ANKHD1: variants seen among roughly 807,000 people sequenced by gnomAD.
The protein encoded by ANKHD1 is ankyrin repeat and KH domain containing 1.
Under a neutral mutation model 230.5 loss-of-function variants are expected in ANKHD1, and 31 were observed. That is an observed-to-expected ratio of 0.13 (90% CI 0.10 to 0.18). ANKHD1 has a LOEUF of 0.18. ANKHD1 is among the 10% of genes least tolerant of loss of function. ANKHD1 has a pLI of 1.00. For synonymous variants in ANKHD1, 1,074 were observed against 1,117.6 expected (o/e 0.96, Z 0.78); for missense variants, 2,256 against 3,071.3 (o/e 0.73, Z 6.27).
chr5:140,414,015 A>G (rs1771151922), intron 1 of ANKHD1, among the ~76,000 whole-genome samples: 1 of 152,200 alleles, frequency 6.6e-6, no homozygotes, highest in South Asian at 2.1e-4. Flanking sequence ...TCCTGACCTC[A>G]TGTGATCCAC....
intron 1 of ANKHD1, among the ~76,000 whole-genome samples, chr5:140,424,390 C>T (rs986033998): frequency 1.3e-5 from 2 of 152,138 alleles, no homozygotes; most frequent in African/African-American, 4.8e-5. Context: ...TTCAAGTCAT[C>T]TTCCCGCCCC....
chr5:140,475,505 T>G (rs1750911160), intron 10 of ANKHD1, among the ~76,000 whole-genome samples: 1 of 152,084 alleles, frequency 6.6e-6, no homozygotes, highest in Admixed American at 6.6e-5. Context: ...GGGTTATGGT[T>G]AGAAATTAGC....
chr5:140,407,983 C>G (rs1049751618), intron 1 of ANKHD1, among the ~76,000 whole-genome samples: 5 of 152,216 alleles, frequency 3.3e-5, no homozygotes, highest in Admixed American at 2.0e-4. Context: ...TTGAGACCAG[C>G]CTGGCCAACA....
intron 1 of ANKHD1, among the ~76,000 whole-genome samples, chr5:140,433,232 A>G (rs1395537804): frequency 6.6e-6 from 1 of 151,754 alleles, no homozygotes; most frequent in African/African-American, 2.4e-5. Context: ...ACACCCAGCT[A>G]ATTTTGTATT....
chr5:140,468,986 A>G (rs557075888), intron 10 of ANKHD1, among the ~76,000 whole-genome samples: 2 of 152,094 alleles, frequency 1.3e-5, no homozygotes, highest in Non-Finnish European at 2.9e-5. Flanking sequence ...TTTGATAACT[A>G]TTGTCAAACT....
At chr5:140,434,159 T>C (rs1480014588) in intron 1 of ANKHD1, among the ~76,000 whole-genome samples, 3 of 152,220 alleles carry the variant, frequency 2.0e-5, no homozygotes, top group Non-Finnish European at 4.4e-5. Context: ...TGAAAATTGA[T>C]GACCAACTAG....
In ANKHD1 at chr5:140,506,667, A is replaced by G. The variant is rs1752548528; in HGVS notation, c.3409-168A>G. 6.6e-6 allele frequency among the ~76,000 whole-genome samples: 1 copy of G among 152,228 alleles called. No individual in the cohort carries two copies. The highest frequency in any genetic ancestry group is 1.5e-5 in the Non-Finnish European group (1 of 68,030). Reference sequence around the variant, plus strand: ...CAAAACTCTGAATTCCTGAAATTGAATCCATTTCTCTAGTGTTGATATTTC... The same window carrying G: ...CAAAACTCTGAATTCCTGAAATTGAGTCCATTTCTCTAGTGTTGATATTTC... On this transcript the variant is annotated intron_variant, in intron 18 of 33. Coordinates refer to ENST00000360839, the MANE Select transcript of ANKHD1 (RefSeq NM_017747.3). This position sits in a 1 kb window ranked among gnomAD's most constrained non-coding sequence, Gnocchi z 4.7.
At chr5:140,449,065 G>A in intron 6 of ANKHD1, 146 bp from the exon 7 acceptor site, 1 of 838,466 alleles carries the variant, frequency 1.2e-6, no homozygotes, top group Non-Finnish European at 1.8e-6. Flanking sequence ...AATGGGCTTT[G>A]TAAAACTGTT....
chr5:140,414,077 G>A (rs531205230), intron 1 of ANKHD1, among the ~76,000 whole-genome samples: 4 of 151,994 alleles, frequency 2.6e-5, no homozygotes, highest in Admixed American at 6.6e-5. Context: ...CACTGTGCCC[G>A]GTCTATCTGT....
intron 15 of ANKHD1, among the ~76,000 whole-genome samples, chr5:140,499,202 A>T (rs1231684753): frequency 2.0e-5 from 3 of 152,100 alleles, no homozygotes; most frequent in East Asian, 3.9e-4. Flanking sequence ...ATTCAAGATG[A>T]TGTACCTGTC....
Position 140,510,037 on chromosome 5 carries a change from T to C in ANKHD1, c.3960T>C (p.Val1320=), listed in dbSNP as rs1350452117. ...LLIHRGAHID[V]RNKKGNTPLW... ...TTTACAGGGGAGCCCACATTGATGT[T>C]CGTAACAAAAAGGGAAATACGCCAC... The change falls in exon 22 of 34, where the codon GTT becomes GTC. Residue 1320 remains valine, a synonymous_variant. Coordinates refer to ENST00000360839, the MANE Select transcript of ANKHD1 (RefSeq NM_017747.3). 1 of 1,613,650 alleles carries C rather than the reference T, an allele frequency of 6.2e-7. No homozygotes were observed. Among genetic ancestry groups the C allele is most frequent in the East Asian group, 2.2e-5 (1 of 44,870 alleles).
chr5:140,504,517 G>A (rs1752462862), intron 15 of ANKHD1, among the ~76,000 whole-genome samples: 1 of 152,194 alleles, frequency 6.6e-6, no homozygotes, highest in African/African-American at 2.4e-5. Context: ...ATCAGGTGCT[G>A]TGTTAAGTAT....
chr5:140,465,389 G>C (rs533991540), intron 10 of ANKHD1, among the ~76,000 whole-genome samples: 2 of 152,180 alleles, frequency 1.3e-5, no homozygotes, highest in South Asian at 4.1e-4. Flanking sequence ...TAGGTGGCAG[G>C]TTCATATGTG....
intron 10 of ANKHD1, among the ~76,000 whole-genome samples, chr5:140,471,185 C>T (rs1776466476): frequency 1.3e-5 from 2 of 152,104 alleles, no homozygotes; most frequent in South Asian, 4.1e-4. Flanking sequence ...TAGTGATGCT[C>T]AATCTGTATT....
At chr5:140,524,435 C>G (rs1001025416) in intron 25 of ANKHD1, among the ~76,000 whole-genome samples, 195 bp downstream of exon 25, 3 of 152,156 alleles carry the variant, frequency 2.0e-5, no homozygotes, top group African/African-American at 7.2e-5. Flanking sequence ...AGAGGGAAAA[C>G]AAGCGCATAA....
Position 140,527,838 on chromosome 5 carries a change from A to G in ANKHD1, c.5088-35A>G. 6.3e-7 allele frequency: 1 copy of G among 1,578,094 alleles called. No homozygotes were observed. Among genetic ancestry groups the G allele is most frequent in the Non-Finnish European group, 8.6e-7 (1 of 1,161,930 alleles). On this transcript the variant is annotated intron_variant, in intron 27 of 33. Transcript: ENST00000360839. The surrounding 1 kb of genome is among the most constrained non-coding windows in gnomAD (Gnocchi z 4.5). ...ATCTTTCTTAATAAAGAGACATTTA[A>G]TTTCATAAGCTCATGTGTATTCTTC...
At chr5:140,473,991 A>G (rs2127000984) in intron 10 of ANKHD1, among the ~76,000 whole-genome samples, 1 of 152,290 alleles carries the variant, frequency 6.6e-6, no homozygotes, top group East Asian at 1.9e-4. Flanking sequence ...TCCATATTTT[A>G]CACTTTGAGA....
rs1266441177 is a variant in ANKHD1 at position 140,529,609 on chromosome 5, G to C, written c.6663G>C (p.Gln2221His). The C allele has an allele frequency of 4.3e-6, 7 of 1,614,060 alleles. No individual in the cohort carries two copies. The highest frequency in any genetic ancestry group is 5.9e-6 in the Non-Finnish European group (7 of 1,180,042). ...TCAGCAGTCTTTTTGATAGTAGTCA[G>C]GTGCCAGCTAACCAGGGCTGGGGAG... ...NHFSSLFDSS[Q>H]VPANQGWGDG... Residue 2221 changes from glutamine (Q) to histidine (H), a missense_variant, in exon 29 of 34, where the codon CAG becomes CAC. Around this residue, in one of 13 missense-constraint regions of ANKHD1, gnomAD observed 778 missense variants for 966.5 expected, o/e 0.80. Coordinates refer to ENST00000360839, the MANE Select transcript of ANKHD1 (RefSeq NM_017747.3).
chr5:140,432,317 A>G (rs562136991), intron 1 of ANKHD1, among the ~76,000 whole-genome samples: 10 of 152,212 alleles, frequency 6.6e-5, no homozygotes, highest in Non-Finnish European at 1.5e-4. Context: ...TGGACATTTC[A>G]TATAAATGGG....
Sources: gnomAD v4.1 joint callset for allele counts (sites outside exome capture counted in the v4.1 genomes callset) on GRCh38, gnomAD v4.1.1 for gene constraint, gnomAD v4.1.1 regional missense constraint, Gnocchi (gnomAD v3.1) non-coding constraint, MANE v1.5 for transcripts, NCBI Gene and HGNC (gene_info 2026-07-23, HGNC 2026-07-21) for gene names.